HIP1: variants seen among roughly 807,000 people sequenced by gnomAD.
The protein encoded by HIP1 is huntingtin interacting protein 1.
HIP1 carries 65 observed loss-of-function variants against 147.6 expected under a neutral mutation model. The ratio of observed to expected loss-of-function variants is 0.44; its 90% CI spans 0.36 to 0.54. The LOEUF is 0.54. Ranked by LOEUF, HIP1 falls within the 20% of genes least tolerant of loss-of-function variation. HIP1 has a pLI of 0.00. For missense variants in HIP1, 1,061 were observed against 1,299.6 expected (o/e 0.82, Z 2.82); for synonymous variants, 479 against 504.0 (o/e 0.95, Z 0.67).
rs556143685 is a variant in HIP1, at chr7:75,730,835, A to G, written c.120+7966T>C. Reference sequence around the variant, plus strand: ...GCAACCTCCCCACTTTCCGGGTTCAAGCGATCCTCCTGCTTCAGCCTCCCG... The same window carrying G: ...GCAACCTCCCCACTTTCCGGGTTCAGGCGATCCTCCTGCTTCAGCCTCCCG... On this transcript the variant is annotated intron_variant, in intron 1 of 30. Transcript: ENST00000336926. Among the ~76,000 whole-genome samples the G allele has an allele frequency of 4.0e-5, 6 of 150,776 alleles. No individual in the cohort carries two copies. In the East Asian group the frequency reaches 1.2e-3, roughly 30 times the overall value.
At chr7:75,651,530 A>G (rs80024368) in intron 1 of HIP1, among the ~76,000 whole-genome samples, 2 of 151,414 alleles carry the variant, frequency 1.3e-5, no homozygotes, top group East Asian at 3.9e-4. Flanking sequence ...CCAAGATTCT[A>G]AAGCCAAAGT....
At chr7:75,709,751 A>G (rs997295955) in intron 1 of HIP1, among the ~76,000 whole-genome samples, 1 of 152,174 alleles carries the variant, frequency 6.6e-6, no homozygotes, top group Non-Finnish European at 1.5e-5. Flanking sequence ...GCATCCTTGT[A>G]ATGTTCCTGG....
At chr7:75,586,034 A>T (rs1182203488) in intron 5 of HIP1, among the ~76,000 whole-genome samples, 1 of 151,578 alleles carries the variant, frequency 6.6e-6, no homozygotes, top group Non-Finnish European at 1.5e-5. Flanking sequence ...GGCTGGTCTC[A>T]AACTCCTGGT....
At chr7:75,734,881 C>T (rs1316270198) in intron 1 of HIP1, among the ~76,000 whole-genome samples, 1 of 152,206 alleles carries the variant, frequency 6.6e-6, no homozygotes, top group Non-Finnish European at 1.5e-5. Context: ...TCGGGGAGGG[C>T]TCCCAACCCC....
chr7:75,569,268 G>A (rs1409975671), intron 8 of HIP1, among the ~76,000 whole-genome samples: 2 of 152,100 alleles, frequency 1.3e-5, no homozygotes, highest in Non-Finnish European at 2.9e-5. Context: ...TACATTCACT[G>A]GATAAAATCA....
chr7:75,545,361 G>A (rs1794515734), intron 25 of HIP1, among the ~76,000 whole-genome samples, 173 bp from the exon 26 acceptor site: 1 of 152,198 alleles, frequency 6.6e-6, no homozygotes, highest in African/African-American at 2.4e-5. Flanking sequence ...GGCTTTTCCA[G>A]CTGGGTGCAG....
intron 1 of HIP1, among the ~76,000 whole-genome samples, chr7:75,682,549 G>A (rs1436221234): frequency 1.3e-5 from 2 of 149,198 alleles, no homozygotes; most frequent in Admixed American, 6.7e-5. Context: ...ATTGAGCCAC[G>A]GTGCCTGGCC....
chr7:75,664,350 ACG>A (rs1799472856), intron 1 of HIP1, among the ~76,000 whole-genome samples: 4 of 64,806 alleles, frequency 6.2e-5, no homozygotes, highest in East Asian at 4.8e-4. Flanking sequence ...GTGTATGTAT[ACG>A]TATACATACA....
chr7:75,557,061 G>A (rs1309734708), intron 16 of HIP1, among the ~76,000 whole-genome samples: 7 of 111,058 alleles, frequency 6.3e-5, no homozygotes, highest in East Asian at 2.1e-4. Flanking sequence ...TTTTTGAGAC[G>A]GAGTCTCGCT....
chr7:75,573,348 A>G (rs764593915), intron 8 of HIP1, among the ~76,000 whole-genome samples: 218 of 152,272 alleles, frequency 1.4e-3, no homozygotes, highest in Non-Finnish European at 2.2e-3. Flanking sequence ...CTGCCTACAG[A>G]CAGAGAGCGG....
chr7:75,557,330 CA>C (rs1723574109), intron 16 of HIP1, among the ~76,000 whole-genome samples: 1 of 150,922 alleles, frequency 6.6e-6, no homozygotes, highest in Non-Finnish European at 1.5e-5. Flanking sequence ...TCTCAAAAAA[CA>C]AACAAACAAA....
At chr7:75,727,315 C>T (rs529875904) in intron 1 of HIP1, among the ~76,000 whole-genome samples, 120 of 151,534 alleles carry the variant, frequency 7.9e-4, no homozygotes, top group African/African-American at 2.7e-3. Flanking sequence ...AGGCTGGTCT[C>T]GAACTTCTGG....
At chr7:75,659,933 C>T (rs1799254067) in intron 1 of HIP1, among the ~76,000 whole-genome samples, 1 of 151,632 alleles carries the variant, frequency 6.6e-6, no homozygotes, top group Admixed American at 6.6e-5. Context: ...CGAGACCATC[C>T]TGGCCAACAT....
intron 1 of HIP1, among the ~76,000 whole-genome samples, chr7:75,718,623 C>T (rs1399519292): frequency 6.6e-6 from 1 of 152,166 alleles, no homozygotes; most frequent in Non-Finnish European, 1.5e-5. Context: ...CTATCTCTAC[C>T]CTTGCTCTCC....
intron 1 of HIP1, among the ~76,000 whole-genome samples, chr7:75,704,024 G>A (rs969608441): frequency 1.3e-5 from 2 of 152,102 alleles, no homozygotes; most frequent in Non-Finnish European, 2.9e-5. Flanking sequence ...CAGCATGGAA[G>A]CCCTGCCCTG....
At chr7:75,592,638 C>G in intron 2 of HIP1, 124 bp from the exon 3 acceptor site, 1 of 965,052 alleles carries the variant, frequency 1.0e-6, no homozygotes, top group Non-Finnish European at 1.5e-6. Context: ...AGAGGCTGCA[C>G]CCAGCCACTG....
chr7:75,656,001 C>T (rs1799128797), intron 1 of HIP1, among the ~76,000 whole-genome samples: 1 of 151,966 alleles, frequency 6.6e-6, no homozygotes, highest in African/African-American at 2.4e-5. Context: ...TGCCTGTGGT[C>T]CCAACTACTC....
In HIP1 at chr7:75,734,119, G is replaced by A. The variant is rs1263892523; in HGVS notation, c.120+4682C>T. On this transcript the variant is annotated intron_variant, in intron 1 of 30. Coordinates refer to ENST00000336926, the MANE Select transcript of HIP1 (RefSeq NM_005338.7). ...AAATTAGCCGGGCGTGGTGGCGCTC[G>A]CCTGTAATCCCAGCTACTCGAGAGG... 5.3e-5 allele frequency among the ~76,000 whole-genome samples: 8 copies of A among 151,910 alleles called. No homozygotes were observed. In the East Asian group the frequency reaches 9.7e-4, roughly 18 times the overall value.
Position 75,556,711 on chromosome 7 carries a change from T to G in HIP1, c.1682A>C (p.Gln561Pro), listed in dbSNP as rs1795019485. Residue 561 changes from glutamine (Q) to proline (P), a missense_variant and splice_region_variant, in exon 17 of 31, where the codon CAG (glutamine) becomes CCG (proline). This residue lies in a region of HIP1 where 810 missense variants were observed against 946.8 expected (regional missense o/e 0.86). Transcript: ENST00000336926. ...CAAAAAAAAAAAGGAGGTATTTACC[T>G]GGGCAGAAGTTTCCAGGCTGCCTTG... ...VLQGSLETSA[Q>P]SEANWAAEFA... 4 of 1,589,742 alleles carry G rather than the reference T, an allele frequency of 2.5e-6. No homozygotes were observed. The highest frequency in any genetic ancestry group is 3.4e-6 in the Non-Finnish European group (4 of 1,165,304).
Sources: allele counts gnomAD v4.1 joint callset (sites outside exome capture counted in the v4.1 genomes callset), GRCh38; gene constraint gnomAD v4.1.1; regional missense constraint gnomAD v4.1.1; transcripts MANE v1.5; gene names NCBI Gene and HGNC (gene_info 2026-07-23, HGNC 2026-07-21).